VPS16: variants seen among roughly 807,000 people sequenced by gnomAD.
The protein encoded by VPS16 is VPS16 core subunit of CORVET and HOPS complexes.
A neutral mutation model predicts 116.0 loss-of-function variants in VPS16; 82 were observed. The ratio of observed to expected loss-of-function variants is 0.71; its 90% CI spans 0.59 to 0.85. The LOEUF (loss-of-function observed/expected upper bound fraction) is 0.85. Among genes scored for constraint, VPS16 ranks in the 40% least tolerant of loss-of-function variants. The pLI is 0.00. For synonymous variants in VPS16, 406 were observed against 420.7 expected (o/e 0.96, Z 0.43); for missense variants, 928 against 1,090.6 (o/e 0.85, Z 2.10).
At chr20:2,857,275 C>A (rs756207356) in intron 1 of VPS16, among the ~76,000 whole-genome samples, 7 of 152,176 alleles carry the variant, frequency 4.6e-5, no homozygotes, top group Non-Finnish European at 1.0e-4. Flanking sequence ...CTGCGCCCAG[C>A]CCCCCATTTG....
At position 2,866,254 on chromosome 20, in the gene VPS16, G is replaced by C; in HGVS notation, c.2314G>C (p.Ala772Pro). ...CATGAAACAACATAACAAATACGAA[G>C]CCAAGAAGTATGCTTCCCGCGTGGG... is the stretch of plus-strand genomic sequence containing the variant. ...ICMKQHNKYE[A>P]KKYASRVGPE... Residue 772 changes from alanine to proline, a missense_variant, in exon 23 of 24, where the codon GCC becomes CCC. By Grantham distance (27) the Ala-to-Pro change is conservative. Coordinates refer to ENST00000380445, the MANE Select transcript of VPS16 (RefSeq NM_022575.4). 6.2e-7 allele frequency: 1 copy of C among 1,614,098 alleles called. No individual in the cohort carries two copies. Among genetic ancestry groups the C allele is most frequent in the Non-Finnish European group, 8.5e-7 (1 of 1,180,022 alleles).
rs140348614 is a variant in VPS16, at chr20:2,861,866, C to T, written c.961C>T (p.Arg321Cys). 100 of 1,613,746 alleles carry T rather than the reference C, an allele frequency of 6.2e-5. No individual in the cohort carries two copies. Among genetic ancestry groups the T allele is most frequent in the African/African-American group, 1.5e-4 (11 of 74,926 alleles). Residue 321 changes from arginine (R) to cysteine (C), a missense_variant, in exon 10 of 24, where the codon CGC becomes TGC. Transcript: ENST00000380445. ...GCTCGATGGGGTCCGCATCTTCTCC[C>T]GCAGCACCCACGAGTTCCTGCATGA... ...PELDGVRIFSRSTHEFLHEVP... is the reference protein window; with the variant it reads ...PELDGVRIFSCSTHEFLHEVP...
intron 23 of VPS16, 27 bp downstream of exon 23, chr20:2,866,342 C>T (rs367693554): frequency 2.5e-6 from 4 of 1,613,982 alleles, no homozygotes; most frequent in African/African-American, 1.3e-5. Flanking sequence ...CCTGTGGGTG[C>T]TGGGTGGCTG....
At chr20:2,854,754 C>T (rs937134848) in intron 1 of VPS16, among the ~76,000 whole-genome samples, 5 of 146,828 alleles carry the variant, frequency 3.4e-5, no homozygotes, top group African/African-American at 1.3e-4. Context: ...TGAGATTGCA[C>T]CATTGCACTC....
chr20:2,845,252 G>A (rs898265328), intron 1 of VPS16, among the ~76,000 whole-genome samples: 1 of 152,052 alleles, frequency 6.6e-6, no homozygotes, highest in African/African-American at 2.4e-5. Flanking sequence ...ACTGCACTTG[G>A]TGGGGAGGAA....
chr20:2,844,292 AAAACAGGTGG>A (rs2089037534), intron 1 of VPS16, among the ~76,000 whole-genome samples: 1 of 152,266 alleles, frequency 6.6e-6, no homozygotes, highest in African/African-American at 2.4e-5. Flanking sequence ...AATGAATGAT[AAAACAGGTGG>A]CAGACATTAC....
chr20:2,863,281 G>A lies in VPS16; in HGVS notation c.1368-9G>A, dbSNP rs779793557. On this transcript the variant is annotated splice_polypyrimidine_tract_variant and intron_variant, in intron 14 of 23. Coordinates refer to ENST00000380445, the MANE Select transcript of VPS16 (RefSeq NM_022575.4). This position sits in a 1 kb window ranked among gnomAD's most constrained non-coding sequence, Gnocchi z 4.4. ...ACTCCTTGTATCCTTTACCCACCGG[G>A]TCTACCAGGCTCGTGTTGCGGAGAC... is the stretch of plus-strand genomic sequence containing the variant. The A allele has an allele frequency of 3.7e-6, 6 of 1,614,012 alleles. No individual in the cohort carries two copies. The African/African-American group carries it at 4.0e-5, about 11-fold the overall frequency.
At chr20:2,847,761 G>A (rs754263056) in intron 1 of VPS16, among the ~76,000 whole-genome samples, 2 of 151,598 alleles carry the variant, frequency 1.3e-5, no homozygotes, top group Non-Finnish European at 2.9e-5. Context: ...ACAGGCGTGA[G>A]CCACCGCACC....
At chr20:2,862,179 C>G (rs1483949765) in intron 11 of VPS16, 49 bp downstream of exon 11, 1 of 1,576,634 alleles carries the variant, frequency 6.3e-7, no homozygotes, top group Non-Finnish European at 8.6e-7. Flanking sequence ...CCTCCTGCCC[C>G]TGCGTGGGCA....
rs943790817 is a variant in VPS16, at chr20:2,864,002, G to T, written c.1530G>T (p.Lys510Asn). 2 of 1,614,052 alleles carry T rather than the reference G, an allele frequency of 1.2e-6. No individual in the cohort carries two copies. Among genetic ancestry groups the T allele is most frequent in the African/African-American group, 2.7e-5 (2 of 74,920 alleles). ...ATGTGGCTCGAGCCATTAACCAGAA[G>T]CTGGGGGACACGCCTGGTGTCTCTT... is the stretch of plus-strand genomic sequence containing the variant. Reference protein sequence around the residue: ...DEDVARAINQKLGDTPGVSYS... With the variant: ...DEDVARAINQNLGDTPGVSYS... Residue 510 changes from lysine (K) to asparagine (N), a missense_variant, in exon 16 of 24, where the codon AAG becomes AAT. Coordinates refer to ENST00000380445, the MANE Select transcript of VPS16 (RefSeq NM_022575.4). This position sits in a 1 kb window ranked among gnomAD's most constrained non-coding sequence, Gnocchi z 5.2.
At chr20:2,847,718 C>G (rs2089075370) in intron 1 of VPS16, among the ~76,000 whole-genome samples, 1 of 152,062 alleles carries the variant, frequency 6.6e-6, no homozygotes, top group Non-Finnish European at 1.5e-5. Flanking sequence ...ACCTCATGAT[C>G]CGCCTGTCTC....
At chr20:2,861,379 A>G in intron 8 of VPS16, 99 bp downstream of exon 8, 1 of 1,572,654 alleles carries the variant, frequency 6.4e-7, no homozygotes, top group Non-Finnish European at 8.7e-7. Flanking sequence ...GGCCAAGCCT[A>G]GTGGAGTTTG....
chr20:2,851,308 G>A (rs1760613169), intron 1 of VPS16, among the ~76,000 whole-genome samples: 1 of 152,166 alleles, frequency 6.6e-6, no homozygotes, highest in African/African-American at 2.4e-5. Context: ...GCAACACACA[G>A]TGTCAATATG....
chr20:2,842,715 G>GATACATCTAGATGTATCTATCTATAGAT (rs374219503), intron 1 of VPS16, among the ~76,000 whole-genome samples: 2 of 54,410 alleles, frequency 3.7e-5, no homozygotes, highest in South Asian at 5.5e-4. Flanking sequence ...TATATAGATA[G>GATACATCTAGATGTATCTATCTATAGAT]ACATATGGAT....
chr20:2,852,643 A>G (rs528561012), intron 1 of VPS16, among the ~76,000 whole-genome samples: 1 of 152,244 alleles, frequency 6.6e-6, no homozygotes, highest in African/African-American at 2.4e-5. Flanking sequence ...CCCAGTCCAT[A>G]TAAAAGTTTT....
rs776030272 is a variant in VPS16 at position 2,840,995 on chromosome 20, C to G, written c.53+168C>G. The stretch of plus-strand genomic sequence containing the variant: ...GCACAGCCGCCTTTGGGCAGGGAGC[C>G]GGGCCTTCCCCTGCTCCAGAAAAGG... On this transcript the variant is annotated intron_variant, in intron 1 of 23. Transcript: ENST00000380445. 3 of 639,524 alleles carry G rather than the reference C, an allele frequency of 4.7e-6. No individual in the cohort carries two copies. In the African/African-American group the frequency reaches 5.7e-5, roughly 12 times the overall value. 39.6% of individuals were successfully genotyped at this position (639,524 alleles called of 1,614,324 possible).
At position 2,860,415 on chromosome 20, in the gene VPS16, G is replaced by T. The variant is rs2089214478; in HGVS notation, c.370-34G>T. On this transcript the variant is annotated intron_variant, in intron 4 of 23. Coordinates refer to ENST00000380445, the MANE Select transcript of VPS16 (RefSeq NM_022575.4). This position sits in a 1 kb window ranked among gnomAD's most constrained non-coding sequence, Gnocchi z 6.1. ...GACGCGGGGTAGAGTTTATGACCCT[G>T]TGGCTCCCTTAACCCATGGCCCCCT... is the stretch of plus-strand genomic sequence containing the variant. The T allele has an allele frequency of 1.9e-6, 3 of 1,613,960 alleles. No individual in the cohort carries two copies. Among genetic ancestry groups the T allele is most frequent in the Non-Finnish European group, 2.5e-6 (3 of 1,180,004 alleles).
intron 1 of VPS16, among the ~76,000 whole-genome samples, chr20:2,842,722 G>A (rs367678015): frequency 0.012 from 513 of 43,944 alleles, 9 homozygotes; most frequent in African/African-American, 0.047. Flanking sequence ...ATAGACATAT[G>A]GATGTATCTA....
chr20:2,862,818 C>T lies in VPS16; in HGVS notation c.1215C>T (p.Phe405=), dbSNP rs201606948. The T allele has an allele frequency of 3.5e-5, 57 of 1,614,038 alleles. No homozygotes were observed. The highest frequency in any genetic ancestry group is 1.1e-4 in the African/African-American group (8 of 75,042). Residue 405 remains phenylalanine (F), a synonymous_variant, in exon 13 of 24, where the codon TTC becomes TTT. Transcript: ENST00000380445. ...CTGGCTCTTCTCAGGCCGCCTCCTT[C>T]GGAAAGTGTTTCCTGGACAGATTTC... ...MQKSLLRAAS[F]GKCFLDRFPP...
Sources: gnomAD v4.1 joint callset for allele counts (sites outside exome capture counted in the v4.1 genomes callset) on GRCh38, gnomAD v4.1.1 for gene constraint, Gnocchi (gnomAD v3.1) non-coding constraint, MANE v1.5 for transcripts, NCBI Gene and HGNC (gene_info 2026-07-23, HGNC 2026-07-21) for gene names.